ABLIM1: variants seen among roughly 807,000 people sequenced by gnomAD.
ABLIM1 encodes actin-binding LIM protein 1.
ABLIM1 carries 40 observed loss-of-function variants against 107.0 expected under a neutral mutation model. The ratio of observed to expected loss-of-function variants is 0.37; its 90% CI spans 0.29 to 0.49. The LOEUF (loss-of-function observed/expected upper bound fraction) is 0.49. Among genes scored for constraint, ABLIM1 ranks in the 20% least tolerant of loss-of-function variants. The pLI is 0.97. For synonymous variants in ABLIM1, 357 were observed against 357.3 expected (o/e 1.00, Z 0.01); for missense variants, 857 against 1,008.5 (o/e 0.85, Z 2.04).
intron 6 of ABLIM1, among the ~76,000 whole-genome samples, chr10:114,517,155 G>A (rs2136265269): frequency 6.6e-6 from 1 of 152,284 alleles, no homozygotes. Flanking sequence ...TTGAACTGTG[G>A]TCCCCCAAAG....
In ABLIM1 at chr10:114,434,129, G is replaced by A. The variant is rs1402301239; in HGVS notation, c.*2131C>T. ...TTGCAGGAGGGCACAGAGAGAGGAT[G>A]GGATAGAAAAAGCATGGAATAAGCA... On this transcript the variant is annotated 3_prime_UTR_variant, in exon 23 of 23. Coordinates refer to ENST00000533213, the MANE Select transcript of ABLIM1 (RefSeq NM_002313.7). 3 of 152,268 alleles carry A rather than the reference G, an allele frequency of 2.0e-5. No individual in the cohort carries two copies. The highest frequency in any genetic ancestry group is 2.9e-5 in the Non-Finnish European group (2 of 68,086). 9.4% of individuals were successfully genotyped at this position (152,268 alleles called of 1,614,324 possible).
intron 4 of ABLIM1, among the ~76,000 whole-genome samples, chr10:114,560,599 G>C (rs999067184): frequency 6.6e-6 from 1 of 152,140 alleles, no homozygotes; most frequent in Non-Finnish European, 1.5e-5. Flanking sequence ...ATATAGCCTC[G>C]GTGTGTAGTA....
intron 1 of ABLIM1, among the ~76,000 whole-genome samples, chr10:114,645,075 G>A (rs1172454623): frequency 6.6e-6 from 1 of 152,176 alleles, no homozygotes; most frequent in Non-Finnish European, 1.5e-5. Context: ...AATGGAGAGG[G>A]AATGTTTACC....
At chr10:114,688,864 G>A (rs1009931904), upstream of ABLIM1, among the ~76,000 whole-genome samples, 10 of 152,172 alleles carry the variant, frequency 6.6e-5, no homozygotes, top group African/African-American at 2.4e-4. Context: ...TAAAAGACAA[G>A]TTCAGCAGTC....
chr10:114,566,538 C>T (rs1591267129), intron 4 of ABLIM1, among the ~76,000 whole-genome samples: 1 of 152,172 alleles, frequency 6.6e-6, no homozygotes, highest in African/African-American at 2.4e-5. Context: ...AGCATGTCTT[C>T]TGGGCATAAT....
the ABLIM1 span, among the ~76,000 whole-genome samples, chr10:114,801,054 G>A: frequency 2.6e-5 from 4 of 152,144 alleles, no homozygotes; most frequent in Non-Finnish European, 5.9e-5. Flanking sequence ...CACACATTTT[G>A]TATGGTATAT....
intron 8 of ABLIM1, among the ~76,000 whole-genome samples, chr10:114,480,067 C>T (rs1056355081): frequency 6.6e-6 from 1 of 152,210 alleles, no homozygotes; most frequent in Non-Finnish European, 1.5e-5. Flanking sequence ...CTTTCAAATC[C>T]CACTGACAGT....
chr10:114,635,901 T>A (rs2078455854), intron 1 of ABLIM1, among the ~76,000 whole-genome samples: 1 of 152,196 alleles, frequency 6.6e-6, no homozygotes, highest in African/African-American at 2.4e-5. Context: ...GAGAATGAGT[T>A]CCTATTTGCT....
At position 114,436,341 on chromosome 10, in the gene ABLIM1, G is replaced by A. The variant is rs146318579; in HGVS notation, c.2256C>T (p.Ile752=). The A allele has an allele frequency of 1.4e-4, 222 of 1,613,194 alleles. No homozygotes were observed. The African/African-American group carries it at 2.6e-3, about 19-fold the overall frequency. The change falls in exon 23 of 23, where the codon ATC becomes ATT. Residue 752 remains isoleucine, a synonymous_variant. Coordinates refer to ENST00000533213, the MANE Select transcript of ABLIM1 (RefSeq NM_002313.7). ...RHLAPEVFRE[I]FGMSIQEFDR... is the part of the protein sequence containing the mutation. ...CAAACTCCTGTATGGACATTCCAAA[G>A]ATTTCCCGAAACACTTCAGGGGCTA...
At chr10:114,763,562 C>CT (rs895551219) in intron 1 of ABLIM1, among the ~76,000 whole-genome samples, 11 of 150,574 alleles carry the variant, frequency 7.3e-5, no homozygotes, top group African/African-American at 1.7e-4. Flanking sequence ...AAGTTTTGTA[C>CT]TTTTTTTTTA....
At chr10:114,473,689 T>C (rs1010047605) in intron 9 of ABLIM1, among the ~76,000 whole-genome samples, 190 bp downstream of exon 9, 13 of 152,204 alleles carry the variant, frequency 8.5e-5, no homozygotes, top group African/African-American at 2.7e-4. Flanking sequence ...ACTCTGTTGA[T>C]GGTCACATAA....
intron 10 of ABLIM1, among the ~76,000 whole-genome samples, chr10:114,469,148 T>C (rs1446745526): frequency 6.6e-6 from 1 of 151,916 alleles, no homozygotes; most frequent in African/African-American, 2.4e-5. Flanking sequence ...TTCCCTTATA[T>C]ATTCAAACTA....
intron 17 of ABLIM1, among the ~76,000 whole-genome samples, chr10:114,443,670 TC>T (rs1358335624): frequency 1.0e-5 from 1 of 99,538 alleles, no homozygotes; most frequent in Admixed American, 1.1e-4. Flanking sequence ...ATTCATGTTA[TC>T]TAAAAAAAAA....
At chr10:114,768,645 C>T (rs1455866645), upstream of ABLIM1, among the ~76,000 whole-genome samples, 1 of 149,554 alleles carries the variant, frequency 6.7e-6, no homozygotes, top group Non-Finnish European at 1.5e-5. Context: ...GCCAGGCTCT[C>T]GGAAAGCCTA....
At chr10:114,541,134 C>A (rs867737) in intron 6 of ABLIM1, among the ~76,000 whole-genome samples, 93 of 152,174 alleles carry the variant, frequency 6.1e-4, no homozygotes, top group African/African-American at 2.2e-3. Context: ...TCAAGCAACA[C>A]ACAGAGCCAT....
chr10:114,572,883 G>A (rs1044439892), intron 3 of ABLIM1, among the ~76,000 whole-genome samples: 3 of 152,204 alleles, frequency 2.0e-5, no homozygotes, highest in East Asian at 1.9e-4. Flanking sequence ...CTCGTGCTCC[G>A]TGGCTGACCC....
chr10:114,537,014 C>T (rs989534482), intron 6 of ABLIM1, among the ~76,000 whole-genome samples: 4 of 152,164 alleles, frequency 2.6e-5, no homozygotes, highest in Admixed American at 1.3e-4. Flanking sequence ...ACCAACCAAG[C>T]AGTACATGTT....
chr10:114,785,890 G>A, the ABLIM1 span, among the ~76,000 whole-genome samples: 1 of 152,010 alleles, frequency 6.6e-6, no homozygotes, highest in Admixed American at 6.6e-5. Context: ...CACCACACCC[G>A]GCTGATTTTT....
intron 6 of ABLIM1, among the ~76,000 whole-genome samples, chr10:114,501,473 T>C (rs1028332682): frequency 2.0e-5 from 3 of 152,212 alleles, no homozygotes; most frequent in South Asian, 2.1e-4. Flanking sequence ...AAGTTTATTA[T>C]ATAAAATCGA....
Sources: gnomAD v4.1 joint callset for allele counts (sites outside exome capture counted in the v4.1 genomes callset) on GRCh38, gnomAD v4.1.1 for gene constraint, MANE v1.5 for transcripts, NCBI Gene and HGNC (gene_info 2026-07-23, HGNC 2026-07-21) for gene names.